The following WNK1 variants were observed in gnomAD, a reference collection of about 807,000 sequenced individuals.
WNK1 encodes the protein WNK lysine deficient protein kinase 1.
WNK1 carries 38 observed loss-of-function variants against 222.8 expected under a neutral mutation model. That is an observed-to-expected ratio of 0.17 (90% CI 0.13 to 0.22). The LOEUF is 0.22. Ranked by LOEUF, WNK1 falls within the 10% of genes least tolerant of loss-of-function variation. The pLI is 1.00. For missense variants in WNK1, 2,348 were observed against 2,918.4 expected, an observed-to-expected ratio of 0.80 and a Z score of 4.50; for synonymous variants, 1,090 against 1,092.9, an observed-to-expected ratio of 1.00 and a Z score of 0.05.
intron 1 of WNK1, among the ~76,000 whole-genome samples, chr12:778,937 C>G (rs920140519): frequency 1.3e-5 from 2 of 152,082 alleles, no homozygotes; most frequent in African/African-American, 4.8e-5. Context: ...ACCTGGGAAT[C>G]TCAGAACTCA....
intron 26 of WNK1, among the ~76,000 whole-genome samples, chr12:902,269 C>T (rs1056463126): frequency 4.6e-5 from 7 of 152,018 alleles, no homozygotes; most frequent in African/African-American, 1.2e-4. Flanking sequence ...CACCACTGCA[C>T]CCCAGCCTGA....
chr12:887,809 A>G (rs1953816723), intron 20 of WNK1, among the ~76,000 whole-genome samples: 1 of 152,148 alleles, frequency 6.6e-6, no homozygotes, highest in African/African-American at 2.4e-5. Flanking sequence ...TATAGGGGTG[A>G]TGTTTCATGA....
intron 1 of WNK1, among the ~76,000 whole-genome samples, chr12:791,528 G>C (rs557095602): frequency 5.3e-5 from 8 of 150,644 alleles, no homozygotes; most frequent in African/African-American, 1.7e-4. Context: ...GCTTATACTT[G>C]ACGCAAGAGG....
rs754637491 is a variant in WNK1 at position 884,965 on chromosome 12, C to T, written c.4161C>T (p.Ala1387=). Residue 1387 remains alanine, a synonymous_variant, in exon 19 of 28, where the codon GCC becomes GCT. Transcript: ENST00000315939. This position sits in a 1 kb window ranked among gnomAD's most constrained non-coding sequence, Gnocchi z 5.6. ...VPTEEGIAGV[A]TSTGVVTSGG... ...CTGAAGAGGGGATTGCTGGAGTTGC[C>T]ACCAGCACAGGTGTGGTAACTTCAG... 1 of 1,614,156 alleles carries T rather than the reference C, an allele frequency of 6.2e-7. No homozygotes were observed. The highest frequency in any genetic ancestry group is 8.5e-7 in the Non-Finnish European group (1 of 1,180,034).
rs1052068105 is a variant in WNK1, at chr12:827,448, G to C, written c.1153+186G>C. 1.6e-6 allele frequency: 1 copy of C among 617,710 alleles called. No individual in the cohort carries two copies. The highest frequency in any genetic ancestry group is 1.8e-5 in the African/African-American group (1 of 54,158). The allele number at this position is 617,710 out of a possible 1,614,324, so 38.3% of individuals were successfully genotyped here. ...ATTTGTGCTTCTTGGAATCATCTTA[G>C]AGACTATTGGTAACATTACGTTACA... is the stretch of plus-strand genomic sequence containing the variant. On this transcript the variant is annotated intron_variant, in intron 3 of 27. Coordinates refer to ENST00000315939, the MANE Select transcript of WNK1 (RefSeq NM_018979.4). This position sits in a 1 kb window ranked among gnomAD's most constrained non-coding sequence, Gnocchi z 4.6.
At chr12:825,647 A>G (rs1228575529) in intron 2 of WNK1, among the ~76,000 whole-genome samples, 1 of 152,228 alleles carries the variant, frequency 6.6e-6, no homozygotes, top group African/African-American at 2.4e-5. Context: ...GGAAACAGTG[A>G]CAGCCAAATG....
At chr12:761,341 C>G (rs1179836643) in intron 1 of WNK1, among the ~76,000 whole-genome samples, 1 of 147,786 alleles carries the variant, frequency 6.8e-6, no homozygotes. Context: ...TAGAAGAGTC[C>G]TCAGATAAGC....
chr12:828,123 C>T (rs1948502429), intron 3 of WNK1, among the ~76,000 whole-genome samples: 2 of 150,368 alleles, frequency 1.3e-5, no homozygotes, highest in Non-Finnish European at 3.0e-5. Flanking sequence ...GATGGAGAAA[C>T]CCCATCTCTA....
intron 4 of WNK1, among the ~76,000 whole-genome samples, chr12:830,430 T>A (rs769390775): frequency 6.6e-6 from 1 of 152,220 alleles, no homozygotes; most frequent in Non-Finnish European, 1.5e-5. Context: ...CATTACCTAC[T>A]TTTTAACCCC....
Position 781,816 on chromosome 12 carries a change from C to T in WNK1, c.759+27492C>T, listed in dbSNP as rs541031472. ...CTTTGTGTTCTAATGATTGAGATAA[C>T]TTTTTTTTTTGAGAACTTAAATTAA... On this transcript the variant is annotated intron_variant, in intron 1 of 27. Coordinates refer to ENST00000315939, the MANE Select transcript of WNK1 (RefSeq NM_018979.4). Among the ~76,000 whole-genome samples the T allele has an allele frequency of 2.7e-5, 4 of 149,446 alleles. No homozygotes were observed. In the East Asian group the frequency reaches 7.8e-4, roughly 29 times the overall value.
At chr12:769,818 G>C (rs575101232) in intron 1 of WNK1, among the ~76,000 whole-genome samples, 1 of 152,176 alleles carries the variant, frequency 6.6e-6, no homozygotes, top group African/African-American at 2.4e-5. Flanking sequence ...CAAGACAGAG[G>C]CATCTGTTGA....
At chr12:839,884 ATTTT>A (rs781052888) in intron 4 of WNK1, among the ~76,000 whole-genome samples, 2 of 128,430 alleles carry the variant, frequency 1.6e-5, no homozygotes, top group African/African-American at 2.9e-5. Flanking sequence ...TGCCTGGCTA[ATTTT>A]TTTTTTTTTT....
chr12:866,056 G>A (rs1377775693), intron 8 of WNK1, among the ~76,000 whole-genome samples: 1 of 103,222 alleles, frequency 9.7e-6, no homozygotes, highest in African/African-American at 3.2e-5. Flanking sequence ...ATTATTTTAA[G>A]CATGTGGGTC....
In WNK1 at chr12:753,312, C is replaced by G; in HGVS notation, c.-254C>G. 1 of 556,962 alleles carries G rather than the reference C, an allele frequency of 1.8e-6. No homozygotes were observed. Among genetic ancestry groups the G allele is most frequent in the South Asian group, 2.1e-5 (1 of 46,796 alleles). The allele number at this position is 556,962 out of a possible 1,614,324, so 34.5% of individuals were successfully genotyped here. A position where few individuals can be genotyped will look rare whatever the true frequency, so the allele number is the denominator to read the frequency against. On this transcript the variant is annotated 5_prime_UTR_variant, in exon 1 of 28. Coordinates refer to ENST00000315939, the MANE Select transcript of WNK1 (RefSeq NM_018979.4). The surrounding 1 kb of genome is among the most constrained non-coding windows in gnomAD (Gnocchi z 5.2). ...CCGTGCGGCGCTAACCCCCGTGGCT[C>G]AGCTCCCGAATCGCCCGCCTTCGAG... is the stretch of plus-strand genomic sequence containing the variant.
chr12:757,387 G>C (rs932873115), intron 1 of WNK1, among the ~76,000 whole-genome samples: 1 of 139,094 alleles, frequency 7.2e-6, no homozygotes, highest in Non-Finnish European at 1.5e-5. Flanking sequence ...GTGCAGTGGC[G>C]CAATCTGAGC....
At position 878,346 on chromosome 12, in the gene WNK1, A is replaced by G; in HGVS notation, c.2358A>G (p.Val786=). 1 of 1,612,134 alleles carries G rather than the reference A, an allele frequency of 6.2e-7. No individual in the cohort carries two copies. Among genetic ancestry groups the G allele is most frequent in the Non-Finnish European group, 8.5e-7 (1 of 1,179,646 alleles). The change falls in exon 10 of 28, where the codon GTA becomes GTG. Residue 786 remains valine (V), a synonymous_variant. Transcript: ENST00000315939. ...AAGCTCCACAAGTCTTGCCTCAAGT[A>G]TCAGCTGGAAAACAGGTAAACTTTT... ...QPQAPQVLPQ[V]SAGKQLPVSQ...
intron 8 of WNK1, among the ~76,000 whole-genome samples, chr12:865,667 A>G (rs1415186196): frequency 2.0e-5 from 3 of 152,152 alleles, no homozygotes; most frequent in Non-Finnish European, 4.4e-5. Context: ...TTTCATTTTC[A>G]TATTCTAGTT....
chr12:877,890 A>G (rs1018491518), intron 9 of WNK1: 17 of 356,664 alleles, frequency 4.8e-5, no homozygotes, highest in Admixed American at 1.6e-4. Context: ...CAGGGATGGG[A>G]TGGGGAAAGG....
chr12:858,447 C>G (rs1950952573), intron 5 of WNK1, among the ~76,000 whole-genome samples: 1 of 152,170 alleles, frequency 6.6e-6, no homozygotes, highest in South Asian at 2.1e-4. Context: ...ACCTTGGCCT[C>G]CCAAAGTACT....
Sources: allele counts gnomAD v4.1 joint callset (sites outside exome capture counted in the v4.1 genomes callset), GRCh38; gene constraint gnomAD v4.1.1; non-coding constraint Gnocchi (gnomAD v3.1); transcripts MANE v1.5; gene names NCBI Gene and HGNC (gene_info 2026-07-23, HGNC 2026-07-21).